The following SOX5 variants were observed in gnomAD, a reference collection of about 807,000 sequenced individuals.
SOX5 encodes transcription factor SOX-5.
In SOX5, 9 loss-of-function variants were observed where a neutral mutation model predicts 92.0. That is an observed-to-expected ratio of 0.10 (90% CI 0.06 to 0.17). SOX5 has a LOEUF of 0.17. Ranked by LOEUF, SOX5 falls within the 10% of genes least tolerant of loss-of-function variation. SOX5 has a pLI of 1.00. For synonymous variants in SOX5, 344 were observed against 336.3 expected (o/e 1.02, Z -0.25); for missense variants, 642 against 944.5 (o/e 0.68, Z 4.20).
chr12:23,784,900 G>T lies in SOX5; in HGVS notation c.482-29176C>A, dbSNP rs189224991. Among the ~76,000 whole-genome samples, 105 of 152,150 alleles carry T rather than the reference G, an allele frequency of 6.9e-4. 1 individual carries two copies. The highest frequency in any genetic ancestry group is 2.4e-3 in the African/African-American group (100 of 41,520). ...AAGGTCAGCCTGGGCAACATAGCAAGATCTTTTCTCTGCCTGCCAAAATTA... is the reference window on the plus strand; with the variant it reads ...AAGGTCAGCCTGGGCAACATAGCAATATCTTTTCTCTGCCTGCCAAAATTA... On this transcript the variant is annotated intron_variant, in intron 3 of 14. Coordinates refer to ENST00000451604, the MANE Select transcript of SOX5 (RefSeq NM_006940.6).
In SOX5 at chr12:23,677,504, T is replaced by G. The variant is rs59835524; in HGVS notation, c.811-11940A>C. Among the ~76,000 whole-genome samples, 48 of 152,268 alleles carry G rather than the reference T, an allele frequency of 3.2e-4. No homozygotes were observed. The East Asian group carries it at 7.1e-3, about 23-fold the overall frequency. On this transcript the variant is annotated intron_variant, in intron 6 of 14. Coordinates refer to ENST00000451604, the MANE Select transcript of SOX5 (RefSeq NM_006940.6). ...TATAAAGTAACATAACTGGAACATA[T>G]AGCAATACATGAAATATGAAGCTTT...
intron 6 of SOX5, among the ~76,000 whole-genome samples, chr12:23,667,871 T>A (rs1264141889): frequency 6.6e-6 from 1 of 152,216 alleles, no homozygotes; most frequent in African/African-American, 2.4e-5. Context: ...GTGTGGTTAA[T>A]CTATGTGAGC....
At chr12:24,263,527 C>CAAAAAAAAAAAAAAAAAAAA (rs386375915) in intron 3 of SOX5, among the ~76,000 whole-genome samples, 9 of 63,248 alleles carry the variant, frequency 1.4e-4, no homozygotes, top group African/African-American at 2.5e-4. Flanking sequence ...GACTCCGTCT[C>CAAAAAAAAAAAAAAAAAAAA]AAAAAAAAAA....
At chr12:24,358,111 T>A (rs973324232) in intron 2 of SOX5, among the ~76,000 whole-genome samples, 2 of 152,226 alleles carry the variant, frequency 1.3e-5, no homozygotes, top group Admixed American at 1.3e-4. Context: ...TATTTTGTGA[T>A]AATAAGAAGC....
intron 1 of SOX5, among the ~76,000 whole-genome samples, chr12:24,555,224 A>G (rs1234253457): frequency 3.9e-5 from 6 of 152,246 alleles, no homozygotes; most frequent in Non-Finnish European, 7.3e-5. Flanking sequence ...GCAGACTTCC[A>G]GTGCGTTGCT....
chr12:23,590,160 T>C (rs1275846544), intron 9 of SOX5, among the ~76,000 whole-genome samples: 1 of 151,894 alleles, frequency 6.6e-6, no homozygotes, highest in Non-Finnish European at 1.5e-5. Context: ...GTCACAAACA[T>C]AGGCAAAAAT....
intron 2 of SOX5, among the ~76,000 whole-genome samples, chr12:24,345,338 C>G (rs79618527): frequency 7.0e-4 from 106 of 152,288 alleles, no homozygotes; most frequent in African/African-American, 2.2e-3. Flanking sequence ...AACCTTCAAG[C>G]CTTCCTTTGC....
intron 2 of SOX5, among the ~76,000 whole-genome samples, chr12:23,857,865 T>G (rs978510882): frequency 6.6e-6 from 1 of 151,598 alleles, no homozygotes; most frequent in Non-Finnish European, 1.5e-5. Flanking sequence ...CCTGAGTAGG[T>G]GGGATTACAG....
At chr12:24,210,946 G>T (rs1958543531) in intron 4 of SOX5, among the ~76,000 whole-genome samples, 1 of 152,130 alleles carries the variant, frequency 6.6e-6, no homozygotes, top group Admixed American at 6.6e-5. Flanking sequence ...ACCATAACAT[G>T]CTCCTCATCT....
chr12:24,163,772 T>TAA (rs989316863), intron 4 of SOX5, among the ~76,000 whole-genome samples: 7 of 152,084 alleles, frequency 4.6e-5, no homozygotes, highest in Non-Finnish European at 8.8e-5. Context: ...TCAGTGCTTT[T>TAA]ATCTGCTTTA....
intron 6 of SOX5, among the ~76,000 whole-genome samples, chr12:23,693,209 T>C (rs751648606): frequency 2.0e-5 from 3 of 152,142 alleles, no homozygotes; most frequent in South Asian, 4.1e-4. Context: ...CTGCAGTCTC[T>C]ACCTCCTGAG....
chr12:23,652,353 TC>T (rs2081688577), intron 7 of SOX5, among the ~76,000 whole-genome samples: 1 of 152,008 alleles, frequency 6.6e-6, no homozygotes, highest in Non-Finnish European at 1.5e-5. Flanking sequence ...CCTTCATCCA[TC>T]CCTTCCTTAA....
chr12:23,891,543 T>C (rs1024885304), intron 2 of SOX5, among the ~76,000 whole-genome samples: 1 of 152,176 alleles, frequency 6.6e-6, no homozygotes, highest in Non-Finnish European at 1.5e-5. Flanking sequence ...TCCCAGCATC[T>C]CTCTTCTTTA....
intron 4 of SOX5, among the ~76,000 whole-genome samples, chr12:24,130,035 T>C (rs571713933): frequency 6.6e-6 from 1 of 152,178 alleles, no homozygotes; most frequent in Non-Finnish European, 1.5e-5. Flanking sequence ...GTATATTGCA[T>C]GTATCTGGAA....
At chr12:24,054,467 G>C (rs1957906078) in intron 4 of SOX5, among the ~76,000 whole-genome samples, 1 of 152,168 alleles carries the variant, frequency 6.6e-6, no homozygotes, top group African/African-American at 2.4e-5. Flanking sequence ...TTTCTTCTTT[G>C]TTTAGAATGC....
intron 3 of SOX5, among the ~76,000 whole-genome samples, chr12:23,780,924 G>A (rs1223299983): frequency 1.3e-5 from 2 of 151,956 alleles, no homozygotes; most frequent in African/African-American, 4.8e-5. Context: ...TGAGGAGCTG[G>A]GCAGAAAGTG....
At chr12:24,012,421 C>G (rs1471996370) in intron 4 of SOX5, among the ~76,000 whole-genome samples, 2 of 152,044 alleles carry the variant, frequency 1.3e-5, no homozygotes, top group African/African-American at 4.8e-5. Context: ...GTCCTACTGT[C>G]TACAATTTTC....
At chr12:24,284,476 T>A (rs184834225) in intron 2 of SOX5, among the ~76,000 whole-genome samples, 1 of 152,168 alleles carries the variant, frequency 6.6e-6, no homozygotes, top group East Asian at 1.9e-4. Context: ...TTTAACTTTT[T>A]AAACATTTAT....
chr12:24,247,207 G>T (rs554855110), intron 3 of SOX5, among the ~76,000 whole-genome samples: 1 of 151,240 alleles, frequency 6.6e-6, no homozygotes, highest in African/African-American at 2.4e-5. Context: ...ATCCTTGCTG[G>T]GAGCTGTTAG....
Sources: allele counts gnomAD v4.1 joint callset (sites outside exome capture counted in the v4.1 genomes callset), GRCh38; gene constraint gnomAD v4.1.1; transcripts MANE v1.5; gene names NCBI Gene and HGNC (gene_info 2026-07-23, HGNC 2026-07-21).